Variants in BRD1 observed in about 807,000 individuals in gnomAD.
BRD1 encodes bromodomain-containing protein 1.
Under a neutral mutation model 107.7 loss-of-function variants are expected in BRD1, and 24 were observed. The observed-to-expected ratio is 0.22, with a 90% CI of 0.16 to 0.31. The LOEUF (loss-of-function observed/expected upper bound fraction) is 0.31. BRD1 is among the 10% of genes least tolerant of loss of function. BRD1 has a pLI of 1.00. For missense variants in BRD1, 1,279 were observed against 1,638.6 expected, an observed-to-expected ratio of 0.78 and a Z score of 3.79; for synonymous variants, 744 against 686.1, an observed-to-expected ratio of 1.08 and a Z score of -1.32.
Position 49,794,174 on chromosome 22 carries a change from C to T in BRD1, c.2219G>A (p.Arg740Gln). 6.2e-7 allele frequency: 1 copy of T among 1,614,220 alleles called. No homozygotes were observed. Among genetic ancestry groups the T allele is most frequent in the Non-Finnish European group, 8.5e-7 (1 of 1,180,040 alleles). The change falls in exon 7 of 13, where the codon CGG (arginine) becomes CAG (glutamine). Residue 740 changes from arginine to glutamine, a missense_variant. Arg to Gln is a conservative substitution (Grantham distance 43). Transcript: ENST00000404760. ...AMKSSGSRSK[R>Q]AKLLKKEIAL... is the part of the protein sequence containing the mutation. ...AATTTCCTTTTTGAGCAGCTTTGCCCGCTTGCTCCGGGAGCCGCTGGACTT... is the reference window on the plus strand; with the variant it reads ...AATTTCCTTTTTGAGCAGCTTTGCCTGCTTGCTCCGGGAGCCGCTGGACTT...
intron 5 of BRD1, 46 bp downstream of exon 5, chr22:49,798,512 C>T (rs973620011): frequency 1.2e-6 from 2 of 1,613,972 alleles, no homozygotes; most frequent in Non-Finnish European, 1.7e-6. Flanking sequence ...AGCACAAATC[C>T]ACAGTCACAC....
chr22:49,784,052 G>A (rs1308328200), intron 8 of BRD1, among the ~76,000 whole-genome samples: 3 of 152,228 alleles, frequency 2.0e-5, no homozygotes, highest in East Asian at 1.9e-4. Context: ...CTGAACAGCC[G>A]AAGGACACTG....
chr22:49,777,666 C>T lies in BRD1; in HGVS notation c.2993+12G>A, dbSNP rs368020652. 9.0e-5 allele frequency: 144 copies of T among 1,602,010 alleles called. 1 individual carries two copies. Among genetic ancestry groups the T allele is most frequent in the Non-Finnish European group, 1.2e-4 (136 of 1,176,304 alleles). Reference sequence around the variant, plus strand: ...AGCTGCGTGGTGGGAAGCGCAGGGCCGCGGTGCCCACCTCGAGTCGCAGAG... The same window carrying T: ...AGCTGCGTGGTGGGAAGCGCAGGGCTGCGGTGCCCACCTCGAGTCGCAGAG... On this transcript the variant is annotated intron_variant, in intron 9 of 12. Transcript: ENST00000404760.
chr22:49,794,000 G>C, intron 7 of BRD1, 34 bp downstream of exon 7: 1 of 1,590,182 alleles, frequency 6.3e-7, no homozygotes, highest in African/African-American at 1.3e-5. Flanking sequence ...AGCCGTGACG[G>C]CAAGAAAGCG....
chr22:49,795,755 T>C (rs1388195984), intron 6 of BRD1, among the ~76,000 whole-genome samples: 1 of 152,332 alleles, frequency 6.6e-6, no homozygotes. Context: ...CAGAGCGTGA[T>C]GGCTGTGGGA....
chr22:49,821,579 T>C (rs1218365519), intron 2 of BRD1, among the ~76,000 whole-genome samples: 1 of 151,194 alleles, frequency 6.6e-6, no homozygotes, highest in Non-Finnish European at 1.5e-5. Flanking sequence ...TAAAGTAGAG[T>C]AATATTAACA....
rs753366539 is a variant in BRD1, at chr22:49,787,452, G to A, written c.2795C>T (p.Ser932Leu). The change falls in exon 8 of 13, where the codon TCG becomes TTG. Residue 932 changes from serine (S) to leucine (L), a missense_variant. Transcript: ENST00000404760. ...CTCGGAGTCTCCGCATGTGCTCCGC[G>A]ACCTTTTCCTTGGCTGCAGAAGAGT... is the stretch of plus-strand genomic sequence containing the variant. ...LETLLQPRKRSRSTCGDSEVE... is the reference protein window; with the variant it reads ...LETLLQPRKRLRSTCGDSEVE... The A allele has an allele frequency of 1.5e-5, 25 of 1,614,178 alleles. 1 individual carries two copies. The highest frequency in any genetic ancestry group is 1.5e-4 in the South Asian group (14 of 91,084).
chr22:49,783,534 T>G lies in BRD1; in HGVS notation c.2857+3856A>C, dbSNP rs1344200691. On this transcript the variant is annotated intron_variant, in intron 8 of 12. Transcript: ENST00000404760. The surrounding 1 kb of genome is among the most constrained non-coding windows in gnomAD (Gnocchi z 4.2). The stretch of plus-strand genomic sequence containing the variant: ...GTCACACCCAAACCACCAGTCACTA[T>G]GGGACGGCTCCGCACATGCTCAGGA... 6.6e-6 allele frequency among the ~76,000 whole-genome samples: 1 copy of G among 152,216 alleles called. No homozygotes were observed. Among genetic ancestry groups the G allele is most frequent in the African/African-American group, 2.4e-5 (1 of 41,454 alleles).
At chr22:49,821,830 C>A (rs2060072540) in intron 2 of BRD1, among the ~76,000 whole-genome samples, 1 of 152,194 alleles carries the variant, frequency 6.6e-6, no homozygotes, top group South Asian at 2.1e-4. Flanking sequence ...GGTACTGGGG[C>A]TCTAGGCGTC....
chr22:49,804,411 C>T (rs1232422132), intron 2 of BRD1, 51 bp from the exon 3 acceptor site: 1 of 1,532,746 alleles, frequency 6.5e-7, no homozygotes, highest in Non-Finnish European at 8.8e-7. Context: ...TAAGATGTTT[C>T]ATCACATAAA....
At chr22:49,820,426 C>T (rs965021199) in intron 2 of BRD1, among the ~76,000 whole-genome samples, 1 of 152,070 alleles carries the variant, frequency 6.6e-6, no homozygotes, top group Non-Finnish European at 1.5e-5. Flanking sequence ...TCCCCGCCCA[C>T]GGCTGCACAT....
At chr22:49,808,731 A>G (rs1221434592) in intron 2 of BRD1, among the ~76,000 whole-genome samples, 1 of 152,220 alleles carries the variant, frequency 6.6e-6, no homozygotes, top group African/African-American at 2.4e-5. Flanking sequence ...ACTTGAATAC[A>G]GAGAGTTAAA....
intron 2 of BRD1, chr22:49,807,054 G>A (rs1436183890): frequency 6.6e-6 from 1 of 151,224 alleles, no homozygotes; most frequent in African/African-American, 2.4e-5. Context: ...AATGAGGGAG[G>A]TCACCAGAGT....
chr22:49,824,834 A>G lies in BRD1; in HGVS notation c.-14-503T>C. 3.0e-6 allele frequency: 3 copies of G among 1,003,618 alleles called. No individual in the cohort carries two copies. Among genetic ancestry groups the G allele is most frequent in the Non-Finnish European group, 3.6e-6 (3 of 839,302 alleles). The allele number at this position is 1,003,618 out of a possible 1,614,324, so 62.2% of individuals were successfully genotyped here. A position where few individuals can be genotyped will look rare whatever the true frequency, so the allele number is the denominator to read the frequency against. On this transcript the variant is annotated intron_variant, in intron 1 of 12. Coordinates refer to ENST00000404760, the MANE Select transcript of BRD1 (RefSeq NM_001304808.3). The surrounding 1 kb of genome is among the most constrained non-coding windows in gnomAD (Gnocchi z 5.9). Reference sequence around the variant, plus strand: ...CCCCTAAACCACTCTTCCCCTCCCCACTACTCCCAGGAGAGCACTCCCATG... The same window carrying G: ...CCCCTAAACCACTCTTCCCCTCCCCGCTACTCCCAGGAGAGCACTCCCATG...
intron 1 of BRD1, among the ~76,000 whole-genome samples, chr22:49,827,146 C>T (rs1406623362): frequency 6.6e-6 from 1 of 151,542 alleles, no homozygotes. Flanking sequence ...CCCGACCCGA[C>T]TCGAGCGCGG....
chr22:49,826,725 G>T (rs1475053089), intron 1 of BRD1, among the ~76,000 whole-genome samples: 1 of 152,192 alleles, frequency 6.6e-6, no homozygotes, highest in Admixed American at 6.5e-5. Flanking sequence ...AACATCCGCC[G>T]ATTCCACTAA....
At chr22:49,787,980 T>C in intron 7 of BRD1, 93 bp from the exon 8 acceptor site, 1 of 1,201,634 alleles carries the variant, frequency 8.3e-7, no homozygotes, top group South Asian at 1.7e-5. Flanking sequence ...ACCAAAATAC[T>C]AATTCAGTTA....
chr22:49,777,057 G>A lies in BRD1; in HGVS notation c.3098C>T (p.Ala1033Val), dbSNP rs2146925260. The change falls in exon 10 of 13, where the codon GCC becomes GTC. Residue 1033 changes from alanine (A) to valine (V), a missense_variant. Around this residue, in one of 7 missense-constraint regions of BRD1, gnomAD observed 263 missense variants for 251.6 expected, o/e 1.05. Coordinates refer to ENST00000404760, the MANE Select transcript of BRD1 (RefSeq NM_001304808.3). The stretch of plus-strand genomic sequence containing the variant: ...ACCGGCTGCGATCCTGGCCGCCTTG[G>A]CGTAGTTCCCATTCTCGATGCAGGA... ...LISCIENGNYAKAARIAAEVG... is the reference protein window; with the variant it reads ...LISCIENGNYVKAARIAAEVG... The A allele has an allele frequency of 6.2e-7, 1 of 1,613,242 alleles. No individual in the cohort carries two copies. Among genetic ancestry groups the A allele is most frequent in the South Asian group, 1.1e-5 (1 of 91,092 alleles).
At chr22:49,778,040 C>T (rs894364336) in intron 8 of BRD1, among the ~76,000 whole-genome samples, 3 of 152,256 alleles carry the variant, frequency 2.0e-5, no homozygotes, top group South Asian at 2.1e-4. Context: ...CGGCTCCGAT[C>T]GTAGTAGTTT....
Sources: gnomAD v4.1 joint callset for allele counts (sites outside exome capture counted in the v4.1 genomes callset) on GRCh38, gnomAD v4.1.1 for gene constraint, gnomAD v4.1.1 regional missense constraint, Gnocchi (gnomAD v3.1) non-coding constraint, MANE v1.5 for transcripts, NCBI Gene and HGNC (gene_info 2026-07-23, HGNC 2026-07-21) for gene names.